Variants in SYNE2 observed in about 807,000 individuals in gnomAD.
SYNE2 encodes nesprin-2.
A neutral mutation model predicts 856.3 loss-of-function variants in SYNE2; 431 were observed. That is an observed-to-expected ratio of 0.50 (90% confidence interval 0.47 to 0.55). SYNE2 has a LOEUF of 0.55. Ranked by LOEUF, SYNE2 falls within the 20% of genes least tolerant of loss-of-function variation. SYNE2 has a pLI of 0.00. For synonymous variants in SYNE2, 2,923 were observed against 2,872.3 expected (o/e 1.02, Z -0.56); for missense variants, 8,129 against 8,023.2 (o/e 1.01, Z -0.50).
intron 59 of SYNE2, 78 bp downstream of exon 59, chr14:64,089,774 TA>T: frequency 1.6e-6 from 2 of 1,260,268 alleles, no homozygotes; most frequent in South Asian, 1.3e-5. Flanking sequence ...TAATGTGATT[TA>T]AAAAAGCATT....
At chr14:64,065,030 A>T (rs2097347865) in intron 50 of SYNE2, among the ~76,000 whole-genome samples, 2 of 151,924 alleles carry the variant, frequency 1.3e-5, no homozygotes, top group Non-Finnish European at 2.9e-5. Flanking sequence ...ACGCCCAGCT[A>T]AATTTTGTGT....
At chr14:64,032,775 T>C (rs2097050830) in intron 45 of SYNE2, among the ~76,000 whole-genome samples, 1 of 152,168 alleles carries the variant, frequency 6.6e-6, no homozygotes, top group African/African-American at 2.4e-5. Context: ...GTTTCTCTAA[T>C]TTTTTAAAAA....
intron 18 of SYNE2, 126 bp from the exon 19 acceptor site, chr14:63,986,330 C>A: frequency 2.0e-6 from 2 of 998,068 alleles, no homozygotes; most frequent in African/African-American, 1.6e-5. Flanking sequence ...AAACTCCTAG[C>A]CTCAAGCAAT....
chr14:64,132,821 A>C (rs1373746232), intron 77 of SYNE2, among the ~76,000 whole-genome samples: 1 of 152,202 alleles, frequency 6.6e-6, no homozygotes. Flanking sequence ...AACTCAAAGA[A>C]AAAAATAAGC....
chr14:63,964,144 C>T, intron 10 of SYNE2, 144 bp downstream of exon 10: 1 of 617,950 alleles, frequency 1.6e-6, no homozygotes, highest in Non-Finnish European at 2.8e-6. Flanking sequence ...GACTGTACTT[C>T]CGAAACTTTA....
At chr14:63,976,486 A>G in intron 11 of SYNE2, 77 bp from the exon 12 acceptor site, 1 of 1,485,704 alleles carries the variant, frequency 6.7e-7, no homozygotes, top group Non-Finnish European at 9.3e-7. Context: ...TCAAAGAATC[A>G]AACATACTGT....
intron 57 of SYNE2, among the ~76,000 whole-genome samples, chr14:64,083,981 A>G (rs527767239): frequency 3.3e-5 from 5 of 151,894 alleles, no homozygotes; most frequent in African/African-American, 7.2e-5. Context: ...CTGGAGTGCA[A>G]TGGTGCGATC....
chr14:64,124,829 C>T (rs1293215295), intron 70 of SYNE2, among the ~76,000 whole-genome samples: 1 of 152,030 alleles, frequency 6.6e-6, no homozygotes, highest in Non-Finnish European at 1.5e-5. Flanking sequence ...ATGGCAAAGC[C>T]CCGTCGCTAC....
chr14:63,934,106 T>G (rs1489945125), intron 2 of SYNE2, among the ~76,000 whole-genome samples: 1 of 152,244 alleles, frequency 6.6e-6, no homozygotes, highest in East Asian at 1.9e-4. Context: ...TTATTGCATT[T>G]AGAGGGTTCT....
At chr14:64,006,383 G>T (rs2096796046) in intron 30 of SYNE2, among the ~76,000 whole-genome samples, 1 of 151,928 alleles carries the variant, frequency 6.6e-6, no homozygotes, top group South Asian at 2.1e-4. Flanking sequence ...ATATCATGCT[G>T]TCTTCCCCCT....
In SYNE2 at chr14:64,093,094, A is replaced by G. The variant is rs12435492; in HGVS notation, c.11977-255A>G. Among the ~76,000 whole-genome samples, 5,161 of 152,272 alleles carry G rather than the reference A, an allele frequency of 0.034. 127 individuals carry two copies. Among genetic ancestry groups the G allele is most frequent in the East Asian group, 0.079 (410 of 5,178 alleles). Reference sequence around the variant, plus strand: ...ACCCACTGGACCAGAAATACTTAAGAGCAAAGGTGTGTCCAGTGAGACTTG... The same window carrying G: ...ACCCACTGGACCAGAAATACTTAAGGGCAAAGGTGTGTCCAGTGAGACTTG... On this transcript the variant is annotated intron_variant, in intron 60 of 115. Transcript: ENST00000555002.
intron 10 of SYNE2, among the ~76,000 whole-genome samples, chr14:63,967,382 T>G (rs906765653): frequency 1.3e-5 from 2 of 152,226 alleles, no homozygotes; most frequent in Non-Finnish European, 2.9e-5. Context: ...CTGTTGTGAG[T>G]GCATACTTGC....
chr14:63,995,749 C>A (rs1237562815), intron 23 of SYNE2, among the ~76,000 whole-genome samples: 9 of 117,342 alleles, frequency 7.7e-5, no homozygotes, highest in African/African-American at 3.4e-4. Flanking sequence ...ATCTATCTAT[C>A]TATCTATCTA....
At position 63,865,720 on chromosome 14, in the gene SYNE2, C is replaced by T. The variant is rs979228160; in HGVS notation, c.-52+12577C>T. Among the ~76,000 whole-genome samples the T allele has an allele frequency of 3.4e-5, 4 of 116,512 alleles. 1 individual carries two copies. In the East Asian group the frequency reaches 7.2e-4, roughly 21 times the overall value. 76.4% of individuals were successfully genotyped at this position (116,512 alleles called of 152,430 possible). A position where few individuals can be genotyped will look rare whatever the true frequency, so the allele number is the denominator to read the frequency against. ...AGAGCAAAACTCTGTACCCACCCCCCCCCCAAAAAAAAAGAAAAGAAAAAA... is the reference window on the plus strand; with the variant it reads ...AGAGCAAAACTCTGTACCCACCCCCTCCCCAAAAAAAAAGAAAAGAAAAAA... On this transcript the variant is annotated intron_variant, in intron 1 of 115. Transcript: ENST00000555002.
intron 1 of SYNE2, among the ~76,000 whole-genome samples, chr14:63,804,554 C>T (rs760676800): frequency 1.3e-4 from 19 of 151,948 alleles, no homozygotes; most frequent in Admixed American, 8.5e-4. Flanking sequence ...AGTGCAATGG[C>T]GCGATCTTGG....
At chr14:63,772,997 C>G (rs566393245) in intron 1 of SYNE2, among the ~76,000 whole-genome samples, 1 of 151,936 alleles carries the variant, frequency 6.6e-6, no homozygotes, top group Non-Finnish European at 1.5e-5. Context: ...AGGCTGGTCT[C>G]GAACTCCTGA....
rs777349858 is a variant in SYNE2 at position 64,141,403 on chromosome 14, C to G, written c.15039C>G (p.Asn5013Lys). The change falls in exon 81 of 116, where the codon AAC becomes AAG. Residue 5013 changes from asparagine to lysine, a missense_variant. Physicochemically the swap from Asn to Lys is moderately conservative, Grantham distance 94 (BLOSUM62 0). Around this residue, in one of 3 missense-constraint regions of SYNE2, gnomAD observed 5,410 missense variants for 5,284.8 expected, o/e 1.02. Transcript: ENST00000555002. ...AGACTGCCGTTATCAGTATCGGGAA[C>G]CAGCTTCTTCACCTGAAAGAAACTG... ...SLKTAVISIG[N>K]QLLHLKETDT... The G allele has an allele frequency of 6.2e-7, 1 of 1,614,026 alleles. No individual in the cohort carries two copies. Among genetic ancestry groups the G allele is most frequent in the South Asian group, 1.1e-5 (1 of 91,072 alleles).
At chr14:64,019,352 TA>T (rs1334706251) in intron 34 of SYNE2, among the ~76,000 whole-genome samples, 1 of 152,170 alleles carries the variant, frequency 6.6e-6, no homozygotes, top group Non-Finnish European at 1.5e-5. Flanking sequence ...CAACGTAACA[TA>T]AAAATGTATG....
At chr14:64,156,762 T>G (rs1418687029) in intron 85 of SYNE2, among the ~76,000 whole-genome samples, 5 of 152,158 alleles carry the variant, frequency 3.3e-5, no homozygotes, top group Non-Finnish European at 4.4e-5. Context: ...CCTGGCCGCC[T>G]TCTTTATTTT....
Sources: allele counts gnomAD v4.1 joint callset (sites outside exome capture counted in the v4.1 genomes callset), GRCh38; gene constraint gnomAD v4.1.1; regional missense constraint gnomAD v4.1.1; transcripts MANE v1.5; gene names NCBI Gene and HGNC (gene_info 2026-07-23, HGNC 2026-07-21).